Variants in KNDC1 observed in about 807,000 individuals in gnomAD.
The protein encoded by KNDC1 is kinase non-catalytic C-lobe domain-containing protein 1.
A neutral mutation model predicts 172.8 loss-of-function variants in KNDC1; 106 were observed. That is an observed-to-expected ratio of 0.61 (90% CI 0.52 to 0.72). The LOEUF (loss-of-function observed/expected upper bound fraction) is 0.72, where lower values mean the gene tolerates loss of function less well. KNDC1 is among the 30% of genes least tolerant of loss of function. The pLI is 0.00. For synonymous variants in KNDC1, 1,083 were observed against 1,062.2 expected, an observed-to-expected ratio of 1.02 and a Z score of -0.38; for missense variants, 2,325 against 2,394.5, an observed-to-expected ratio of 0.97 and a Z score of 0.61.
chr10:133,195,722 CA>C lies in KNDC1; in HGVS notation c.1637del (p.Asn546ThrfsTer78). On this transcript the variant is annotated frameshift_variant, in exon 10 of 30. Transcript: ENST00000304613. LOFTEE classifies it high-confidence loss of function. Reference protein sequence around the residue: ...WTAAKFSVPRNHKLALPRRLK... With the variant: ...WTAAKFSVPRXHKLALPRRLK... ...CCGCAGCCAAGTTCAGCGTCCCCCG[CA>C]ACCACAAGCTGGCCCTGCCACGCAG... is the stretch of plus-strand genomic sequence containing the variant. 1.2e-6 allele frequency: 2 copies of C among 1,612,682 alleles called. No homozygotes were observed. The highest frequency in any genetic ancestry group is 1.7e-6 in the Non-Finnish European group (2 of 1,179,716).
At position 133,198,857 on chromosome 10, in the gene KNDC1, C is replaced by G; in HGVS notation, c.2349C>G (p.Pro783=). 6.3e-7 allele frequency: 1 copy of G among 1,598,930 alleles called. No individual in the cohort carries two copies. Among genetic ancestry groups the G allele is most frequent in the South Asian group, 1.1e-5 (1 of 89,770 alleles). The change falls in exon 14 of 30, where the codon CCC becomes CCG. Residue 783 remains proline (P), a synonymous_variant. Transcript: ENST00000304613. Reference sequence around the variant, plus strand: ...CGGCAGCTCCCGGCTCTCCAGTCCCCGCCCCGCCCACGAAGGCATCTGCGC... The same window carrying G: ...CGGCAGCTCCCGGCTCTCCAGTCCCGGCCCCGCCCACGAAGGCATCTGCGC... ...ASSAAPGSPV[P]APPTKASALP...
At chr10:133,181,458 T>C (rs1037308488) in intron 3 of KNDC1, among the ~76,000 whole-genome samples, 1 of 152,128 alleles carries the variant, frequency 6.6e-6, no homozygotes, top group African/African-American at 2.4e-5. Context: ...AGGCGAGCCG[T>C]GAGGGGACAG....
At chr10:133,181,194 C>T (rs1316365851) in intron 3 of KNDC1, among the ~76,000 whole-genome samples, 2 of 152,260 alleles carry the variant, frequency 1.3e-5, no homozygotes, top group African/African-American at 4.8e-5. Flanking sequence ...CCACATGGGG[C>T]ACCCAGGGAA....
chr10:133,182,962 GGGC>G (rs1853764606), intron 3 of KNDC1, among the ~76,000 whole-genome samples: 1 of 149,884 alleles, frequency 6.7e-6, no homozygotes, highest in East Asian at 2.0e-4. Context: ...CAGGCGGTGT[GGGC>G]ACAGGCGGTG....
intron 29 of KNDC1, 107 bp downstream of exon 29, chr10:133,220,219 G>T: frequency 1.7e-6 from 1 of 594,456 alleles, no homozygotes; most frequent in African/African-American, 2.4e-5. Flanking sequence ...GAGAGGAGGG[G>T]CTCAGGCGGC....
At chr10:133,212,509 G>A (rs961928058) in intron 23 of KNDC1, among the ~76,000 whole-genome samples, 2 of 152,224 alleles carry the variant, frequency 1.3e-5, no homozygotes, top group East Asian at 3.8e-4. Flanking sequence ...CCTGCCCGTG[G>A]GGCACCTGCT....
intron 1 of KNDC1, among the ~76,000 whole-genome samples, chr10:133,166,527 AGGT>A (rs1392068611): frequency 6.6e-6 from 1 of 151,766 alleles, no homozygotes; most frequent in Non-Finnish European, 1.5e-5. Flanking sequence ...TGTGAGTGTG[AGGT>A]GTGTGTGTGT....
intron 2 of KNDC1, 70 bp from the exon 3 acceptor site, chr10:133,168,184 T>G: frequency 7.0e-7 from 1 of 1,426,722 alleles, no homozygotes; most frequent in East Asian, 2.3e-5. Context: ...TCCAGGCCCT[T>G]CTCAGCTGGC....
chr10:133,183,986 C>T lies in KNDC1; in HGVS notation c.622C>T (p.Gln208Ter). 6.4e-7 allele frequency: 1 copy of T among 1,563,042 alleles called. No individual in the cohort carries two copies. Among genetic ancestry groups the T allele is most frequent in the Non-Finnish European group, 8.7e-7 (1 of 1,146,190 alleles). ...VLSIESFGAL[Q>*]DVSESSWRER... ...CTCCATCGAGTCCTTCGGAGCGCTG[C>T]AGGGTGAGTTCTTGAACCCACACAC... Residue 208 changes from glutamine to a stop codon, truncating the protein, a stop_gained, in exon 5 of 30, where the codon CAG becomes TAG. Coordinates refer to ENST00000304613, the MANE Select transcript of KNDC1 (RefSeq NM_152643.8). LOFTEE classifies it high-confidence loss of function.
chr10:133,223,724 CGTGT>C (rs1187599990), intron 29 of KNDC1, among the ~76,000 whole-genome samples: 1 of 83,582 alleles, frequency 1.2e-5, no homozygotes, highest in Non-Finnish European at 2.2e-5. Context: ...CTCTTCCCGG[CGTGT>C]GTGTGTGTGT....
chr10:133,224,640 CTTCT>C lies in KNDC1; in HGVS notation c.5019-15_5019-12del, dbSNP rs978292832. On this transcript the variant is annotated splice_polypyrimidine_tract_variant and intron_variant, in intron 29 of 29. Transcript: ENST00000304613. The surrounding 1 kb of genome is among the most constrained non-coding windows in gnomAD (Gnocchi z 5.4). ...CCCTGCCCTGTGCAAACTAACGTCT[CTTCT>C]TTCCTCAACGGAAGGAACATCGCAA... The C allele has an allele frequency of 5.0e-6, 8 of 1,607,076 alleles. No individual in the cohort carries two copies. The highest frequency in any genetic ancestry group is 6.8e-6 in the Non-Finnish European group (8 of 1,173,980).
At chr10:133,173,134 G>C (rs189613617) in intron 3 of KNDC1, among the ~76,000 whole-genome samples, 4 of 152,356 alleles carry the variant, frequency 2.6e-5, no homozygotes, top group African/African-American at 4.8e-5. Flanking sequence ...ATTAGCTGCA[G>C]GTCACCCCAA....
intron 17 of KNDC1, chr10:133,202,771 A>C: frequency 2.4e-6 from 1 of 414,230 alleles, no homozygotes; most frequent in South Asian, 1.7e-5. Flanking sequence ...AAGCTCTGTG[A>C]AGCCTTCACT....
chr10:133,218,338 C>A (rs999583844), intron 26 of KNDC1, among the ~76,000 whole-genome samples: 1 of 152,256 alleles, frequency 6.6e-6, no homozygotes, highest in Non-Finnish European at 1.5e-5. Context: ...TCACCGCCAG[C>A]CACAGAGCCC....
Position 133,224,977 on chromosome 10 carries a change from C to CCG in KNDC1, c.*88_*89dup. On this transcript the variant is annotated 3_prime_UTR_variant, in exon 30 of 30. Transcript: ENST00000304613. This position sits in a 1 kb window ranked among gnomAD's most constrained non-coding sequence, Gnocchi z 5.4. Reference sequence around the variant, plus strand: ...GGTGGGAGCCGCGTCTCAGGCCCGGCCGTTATCAAGGCCCCTCCGCCCCCG... The same window carrying CCG: ...GGTGGGAGCCGCGTCTCAGGCCCGGCCGCGTTATCAAGGCCCCTCCGCCCCCG... The CCG allele has an allele frequency of 8.9e-7, 1 of 1,118,342 alleles. No individual in the cohort carries two copies. Among genetic ancestry groups the CCG allele is most frequent in the South Asian group, 1.4e-5 (1 of 71,702 alleles). The allele number at this position is 1,118,342 out of a possible 1,614,324, so 69.3% of individuals were successfully genotyped here.
chr10:133,202,664 T>G, intron 17 of KNDC1: 1 of 456,660 alleles, frequency 2.2e-6, no homozygotes, highest in South Asian at 1.5e-5. Flanking sequence ...CTGGGGCTCC[T>G]CCTTGCTCCT....
chr10:133,186,224 G>A lies in KNDC1; in HGVS notation c.876G>A (p.Leu292=). Residue 292 remains leucine (L), a synonymous_variant, in exon 6 of 30, where the codon CTG becomes CTA. Coordinates refer to ENST00000304613, the MANE Select transcript of KNDC1 (RefSeq NM_152643.8). ...VLDAERTLGE[L]DRDALRRSRL... ...ATGCCGAGCGCACCCTCGGGGAGCT[G>A]GACAGAGACGCCCTCAGGAGAAGCC... 1 of 1,585,448 alleles carries A rather than the reference G, an allele frequency of 6.3e-7. No individual in the cohort carries two copies.
chr10:133,203,887 G>A (rs1176972207), intron 17 of KNDC1, among the ~76,000 whole-genome samples: 4 of 152,250 alleles, frequency 2.6e-5, no homozygotes, highest in African/African-American at 9.6e-5. Flanking sequence ...GTCTGACTGT[G>A]AACGGAGGCC....
chr10:133,202,696 C>T (rs910045822), intron 17 of KNDC1: 2 of 456,590 alleles, frequency 4.4e-6, no homozygotes, highest in Non-Finnish European at 8.8e-6. Flanking sequence ...TCCTGGCCTG[C>T]ACTTTATGAC....
Sources: allele counts gnomAD v4.1 joint callset (sites outside exome capture counted in the v4.1 genomes callset), GRCh38; gene constraint gnomAD v4.1.1; non-coding constraint Gnocchi (gnomAD v3.1); transcripts MANE v1.5; gene names NCBI Gene and HGNC (gene_info 2026-07-23, HGNC 2026-07-21).